Variants in MYOM2 observed in about 807,000 individuals in gnomAD.
MYOM2 encodes myomesin-2.
A neutral mutation model predicts 187.6 loss-of-function variants in MYOM2; 254 were observed. That is an observed-to-expected ratio of 1.35 (90% CI 1.22 to 1.50). MYOM2 has a LOEUF of 1.50. MYOM2 is among the 40% of genes most tolerant of loss of function. The pLI is 0.00. For missense variants in MYOM2, 2,796 were observed against 1,924.0 expected (o/e 1.45, Z -8.48); for synonymous variants, 981 against 753.8 (o/e 1.30, Z -4.94).
intron 1 of MYOM2, among the ~76,000 whole-genome samples, chr8:2,048,682 T>C (rs1818384729): frequency 6.6e-6 from 1 of 152,224 alleles, no homozygotes; most frequent in Non-Finnish European, 1.5e-5. Context: ...CTACCAGACA[T>C]CAAAACCTGG....
At position 2,117,955 on chromosome 8, in the gene MYOM2, G is replaced by T; in HGVS notation, c.3453+3G>T. 1 of 1,611,672 alleles carries T rather than the reference G, an allele frequency of 6.2e-7. No individual in the cohort carries two copies. Among genetic ancestry groups the T allele is most frequent in the Admixed American group, 1.7e-5 (1 of 59,682 alleles). On this transcript the variant is annotated splice_donor_region_variant and intron_variant, in intron 28 of 36. Coordinates refer to ENST00000262113, the MANE Select transcript of MYOM2 (RefSeq NM_003970.4). ...GTGAAGTTCGACTTGTTTGCAAGGT[G>T]AGAAACCCGGTTCTAACAGGAAAAC...
At chr8:2,055,513 G>A (rs1413147123) in intron 3 of MYOM2, among the ~76,000 whole-genome samples, 2 of 152,154 alleles carry the variant, frequency 1.3e-5, no homozygotes, top group Admixed American at 6.5e-5. Flanking sequence ...GTGTGTGGTC[G>A]GAGCGGGGAC....
intron 19 of MYOM2, 114 bp downstream of exon 19, chr8:2,099,097 C>A: frequency 7.4e-7 from 1 of 1,352,734 alleles, no homozygotes; most frequent in Non-Finnish European, 9.8e-7. Flanking sequence ...GTTCCTCCGA[C>A]ACCCGCAGCC....
intron 21 of MYOM2, 61 bp from the exon 22 acceptor site, chr8:2,106,181 A>T: frequency 6.5e-7 from 1 of 1,546,298 alleles, no homozygotes; most frequent in Non-Finnish European, 8.8e-7. Context: ...ACCCTCTCCC[A>T]AAAGAGAGTT....
At chr8:2,063,360 G>A (rs891251038) in intron 6 of MYOM2, among the ~76,000 whole-genome samples, 6 of 152,188 alleles carry the variant, frequency 3.9e-5, no homozygotes, top group African/African-American at 1.4e-4. Flanking sequence ...CTTGGCCACG[G>A]TAGCTGGATT....
intron 34 of MYOM2, among the ~76,000 whole-genome samples, chr8:2,141,593 G>A (rs907526149): frequency 1.8e-4 from 27 of 152,186 alleles, no homozygotes; most frequent in African/African-American, 4.8e-4. Flanking sequence ...GAAGGTTTCT[G>A]TGTGGAGGAG....
chr8:2,113,137 G>A (rs1178491314), intron 25 of MYOM2, among the ~76,000 whole-genome samples: 3 of 152,232 alleles, frequency 2.0e-5, no homozygotes, highest in Admixed American at 1.3e-4. Context: ...CGAGGAAGCC[G>A]AGGCCGGGCA....
chr8:2,106,695 C>T (rs989333465), intron 23 of MYOM2, 98 bp downstream of exon 23: 138 of 871,840 alleles, frequency 1.6e-4, no homozygotes, highest in Non-Finnish European at 2.2e-4. Context: ...AGAAAAAAGA[C>T]GTATGTTTGC....
At chr8:2,050,262 G>A (rs756025603) in intron 1 of MYOM2, among the ~76,000 whole-genome samples, 3 of 152,144 alleles carry the variant, frequency 2.0e-5, no homozygotes, top group African/African-American at 4.8e-5. Flanking sequence ...CCTGTCCACC[G>A]AGCCTCCTCT....
intron 3 of MYOM2, among the ~76,000 whole-genome samples, chr8:2,055,458 G>C (rs1818632139): frequency 6.6e-6 from 1 of 152,202 alleles, no homozygotes; most frequent in South Asian, 2.1e-4. Flanking sequence ...CAGAATGGCT[G>C]AGGCCCAAAC....
rs774968338 is a variant in MYOM2, at chr8:2,109,511, A to T, written c.3160A>T (p.Arg1054Ter). The T allele has an allele frequency of 6.2e-7, 1 of 1,612,168 alleles. No homozygotes were observed. Among genetic ancestry groups the T allele is most frequent in the Non-Finnish European group, 8.5e-7 (1 of 1,179,184 alleles). Reference sequence around the variant, plus strand: ...CAGCTACCGATTTATTATTAACGACAGAGAAGTCTCTGACAGCGAGGTGAG... The same window carrying T: ...CAGCTACCGATTTATTATTAACGACTGAGAAGTCTCTGACAGCGAGGTGAG... ...DASYRFIIND[R>*]EVSDSEIHRI... Residue 1054 changes from arginine to a stop codon, truncating the protein, a stop_gained, in exon 25 of 37, where the codon AGA becomes TGA. Coordinates refer to ENST00000262113, the MANE Select transcript of MYOM2 (RefSeq NM_003970.4). LOFTEE classifies it high-confidence loss of function.
chr8:2,047,997 C>G (rs1818363595), intron 1 of MYOM2, among the ~76,000 whole-genome samples: 1 of 152,216 alleles, frequency 6.6e-6, no homozygotes, highest in Non-Finnish European at 1.5e-5. Context: ...GGTCTTAGGT[C>G]TAAGGAGGAG....
rs60963146 is a variant in MYOM2 at position 2,051,863 on chromosome 8, C to T, written c.108-295C>T. 2.0e-4 allele frequency among the ~76,000 whole-genome samples: 30 copies of T among 152,248 alleles called. No homozygotes were observed. In the East Asian group the frequency reaches 3.1e-3, roughly 16 times the overall value. ...GTGTAGGTTTGTTTATGTGTGCACG[C>T]GCTGTGTGTATGCATGTGCATGTGC... is the stretch of plus-strand genomic sequence containing the variant. On this transcript the variant is annotated intron_variant, in intron 2 of 36. Transcript: ENST00000262113.
At chr8:2,143,283 C>G in intron 35 of MYOM2, 118 bp from the exon 36 acceptor site, 1 of 1,153,830 alleles carries the variant, frequency 8.7e-7, no homozygotes, top group South Asian at 1.3e-5. Context: ...TGCTCGCTCT[C>G]TCCTGAGCAT....
At chr8:2,090,352 A>G (rs1237951463) in intron 15 of MYOM2, among the ~76,000 whole-genome samples, 161 bp downstream of exon 15, 2 of 152,220 alleles carry the variant, frequency 1.3e-5, no homozygotes, top group African/African-American at 2.4e-5. Flanking sequence ...GCTCTCTGCC[A>G]TGTTTTGTTT....
In MYOM2 at chr8:2,078,874, C is replaced by T. The variant is rs762451114; in HGVS notation, c.1403C>T (p.Pro468Leu). ...RAVNSAGISR[P>L]SRVSDAVAAL... ...GTGAACAGTGCGGGCATCAGCCGACCCTCCAGGGTCTCTGATGCGGTGGCT... is the reference window on the plus strand; with the variant it reads ...GTGAACAGTGCGGGCATCAGCCGACTCTCCAGGGTCTCTGATGCGGTGGCT... The change falls in exon 12 of 37, where the codon CCC (proline) becomes CTC (leucine). Residue 468 changes from proline (P) to leucine (L), a missense_variant. Pro to Leu is a moderately conservative substitution (Grantham distance 98). Coordinates refer to ENST00000262113, the MANE Select transcript of MYOM2 (RefSeq NM_003970.4). The T allele has an allele frequency of 1.6e-5, 26 of 1,613,936 alleles. No homozygotes were observed. In the Admixed American group the frequency reaches 4.2e-4, roughly 26 times the overall value.
chr8:2,092,934 A>G (rs1448762917), intron 16 of MYOM2, among the ~76,000 whole-genome samples: 3 of 151,990 alleles, frequency 2.0e-5, no homozygotes, highest in Non-Finnish European at 4.4e-5. Context: ...CCTGATGGAG[A>G]CCCCACCGGG....
intron 23 of MYOM2, 23 bp downstream of exon 23, chr8:2,106,620 T>C: frequency 6.5e-7 from 1 of 1,530,040 alleles, no homozygotes; most frequent in Admixed American, 1.9e-5. Flanking sequence ...TGGCAGAACC[T>C]TGCCTGTTTT....
At chr8:2,074,943 A>T (rs1441623258) in intron 10 of MYOM2, among the ~76,000 whole-genome samples, 1 of 152,218 alleles carries the variant, frequency 6.6e-6, no homozygotes, top group Non-Finnish European at 1.5e-5. Flanking sequence ...TCCCGGCTCC[A>T]TCCCGATCAG....
Sources: allele counts gnomAD v4.1 joint callset (sites outside exome capture counted in the v4.1 genomes callset), GRCh38; gene constraint gnomAD v4.1.1; transcripts MANE v1.5; gene names NCBI Gene and HGNC (gene_info 2026-07-23, HGNC 2026-07-21).